A2M: variants seen among roughly 807,000 people sequenced by gnomAD.
A2M encodes the protein C3 and PZP-like alpha-2-macroglobulin domain-containing protein 5.
A neutral mutation model predicts 183.9 loss-of-function variants in A2M; 128 were observed. The observed-to-expected ratio is 0.70, with a 90% confidence interval of 0.60 to 0.81. The LOEUF (loss-of-function observed/expected upper bound fraction) is 0.81. Ranked by LOEUF, A2M falls within the 30% of genes least tolerant of loss-of-function variation. The pLI is 0.00. For synonymous variants in A2M, 592 were observed against 670.8 expected (o/e 0.88, Z 1.81); for missense variants, 1,495 against 1,787.6 (o/e 0.84, Z 2.95).
intron 22 of A2M, among the ~76,000 whole-genome samples, chr12:9,080,857 T>A (rs1398886043): frequency 6.6e-6 from 1 of 152,096 alleles, no homozygotes; most frequent in Non-Finnish European, 1.5e-5. Context: ...ATAAAATTCA[T>A]ATTAAAATGT....
rs773909427 is a variant in A2M, at chr12:9,104,254, G to A, written c.1251C>T (p.Thr417=). ...FSINTTNVMG[T]SLTVRVNYKD... The stretch of plus-strand genomic sequence containing the variant: ...CCAAACTTACCCTAACAGTAAGAGA[G>A]GTACCCATAACATTGGTGGTGTTGA... Residue 417 remains threonine (T), a synonymous_variant, in exon 11 of 36, where the codon ACC becomes ACT. Transcript: ENST00000318602. The A allele has an allele frequency of 6.2e-7, 1 of 1,612,146 alleles. No individual in the cohort carries two copies. The highest frequency in any genetic ancestry group is 1.1e-5 in the South Asian group (1 of 90,442).
chr12:9,085,061 T>C (rs996296226), intron 22 of A2M, among the ~76,000 whole-genome samples: 1 of 152,134 alleles, frequency 6.6e-6, no homozygotes, highest in Admixed American at 6.5e-5. Flanking sequence ...GGGAGAGATA[T>C]GTTGCAATGC....
intron 10 of A2M, among the ~76,000 whole-genome samples, chr12:9,105,754 T>C (rs964810335): frequency 2.6e-5 from 4 of 152,196 alleles, no homozygotes; most frequent in African/African-American, 9.7e-5. Context: ...ATAGTGTAAA[T>C]ATACTATCCA....
At chr12:9,091,671 C>T (rs113973) in intron 18 of A2M, among the ~76,000 whole-genome samples, 85,270 of 152,016 alleles carry the variant, frequency 0.56, 25,537 homozygotes, top group African/African-American at 0.76. Context: ...ATAAATTTAA[C>T]ATGCAGTTTG....
chr12:9,101,345 G>T (rs893798417), intron 12 of A2M, 102 bp downstream of exon 12: 21 of 1,338,570 alleles, frequency 1.6e-5, no homozygotes, highest in Admixed American at 6.1e-5. Context: ...AAGGAACATG[G>T]ATAAGAAGTT....
rs113336172 is a variant in A2M at position 9,091,404 on chromosome 12, C to T, written c.2266G>A (p.Val756Ile). 6 of 1,614,038 alleles carry T rather than the reference C, an allele frequency of 3.7e-6. No individual in the cohort carries two copies. In the African/African-American group the frequency reaches 4.0e-5, roughly 11 times the overall value. Residue 756 changes from valine to isoleucine, a missense_variant, in exon 19 of 36, where the codon GTA becomes ATA. Coordinates refer to ENST00000318602, the MANE Select transcript of A2M (RefSeq NM_000014.6). ...TCGGTGATGGTGTCAGGGACTGTTA[C>T]TCCTACCTCAGCCACACCTGCTGAG... is the stretch of plus-strand genomic sequence containing the variant. ...VNSAGVAEVGVTVPDTITEWK... is the reference protein window; with the variant it reads ...VNSAGVAEVGITVPDTITEWK...
chr12:9,087,805 C>A (rs770558445), intron 22 of A2M, among the ~76,000 whole-genome samples: 2 of 151,964 alleles, frequency 1.3e-5, no homozygotes, highest in African/African-American at 4.8e-5. Context: ...ACAACAACAA[C>A]CAACCAAACA....
chr12:9,071,561 T>C (rs1948580795), intron 31 of A2M, among the ~76,000 whole-genome samples: 1 of 152,120 alleles, frequency 6.6e-6, no homozygotes, highest in Non-Finnish European at 1.5e-5. Context: ...TTGCACTGAA[T>C]TGTTGTTTTT....
chr12:9,072,553 C>T (rs992018769), intron 30 of A2M, 67 bp from the exon 31 acceptor site: 2 of 1,600,402 alleles, frequency 1.2e-6, no homozygotes, highest in African/African-American at 2.7e-5. Flanking sequence ...CGTCCCTAAC[C>T]CTTTCTCTGA....
chr12:9,111,440 T>G (rs1233991615), intron 4 of A2M: 1 of 446,842 alleles, frequency 2.2e-6, no homozygotes, highest in Non-Finnish European at 4.5e-6. Flanking sequence ...CTTTGAAGGT[T>G]ATTGTAATGA....
At chr12:9,083,325 C>T (rs977643516) in intron 22 of A2M, among the ~76,000 whole-genome samples, 1 of 151,376 alleles carries the variant, frequency 6.6e-6, no homozygotes, top group South Asian at 2.1e-4. Context: ...ACCAACATGG[C>T]ACATGTATAC....
intron 17 of A2M, 45 bp from the exon 18 acceptor site, chr12:9,093,624 A>G (rs1401127232): frequency 8.7e-7 from 1 of 1,145,704 alleles, no homozygotes. Flanking sequence ...CATACAGATA[A>G]AGCTTATGAG....
Position 9,113,408 on chromosome 12 carries a change from GA to G in A2M, c.221del (p.Phe74SerfsTer27). On this transcript the variant is annotated frameshift_variant, in exon 2 of 36. Transcript: ENST00000318602. LOFTEE classifies it high-confidence loss of function. ...CGTCATTCTCCGCCTCCAGGTCAGTGAAGAGGCTCCTGTTTCCCCTGACAGA... is the reference window on the plus strand; with the variant it reads ...CGTCATTCTCCGCCTCCAGGTCAGTGAGAGGCTCCTGTTTCCCCTGACAGA... Reference protein sequence around the residue: ...LESVRGNRSLFTDLEAENDVL... With the variant: ...LESVRGNRSLXTDLEAENDVL... 6.2e-7 allele frequency: 1 copy of G among 1,613,762 alleles called. No homozygotes were observed. Among genetic ancestry groups the G allele is most frequent in the Non-Finnish European group, 8.5e-7 (1 of 1,179,926 alleles).
At chr12:9,107,748 C>G in intron 7 of A2M, 104 bp from the exon 8 acceptor site, 1 of 1,336,112 alleles carries the variant, frequency 7.5e-7, no homozygotes, top group Non-Finnish European at 1.0e-6. Flanking sequence ...CCTGTCTGTA[C>G]TTCCCTCTGC....
chr12:9,107,421 T>G (rs760877588), intron 8 of A2M, 103 bp downstream of exon 8: 1 of 1,357,254 alleles, frequency 7.4e-7, no homozygotes, highest in African/African-American at 1.5e-5. Context: ...CATGGAATTC[T>G]CTTCTAGATT....
intron 22 of A2M, among the ~76,000 whole-genome samples, chr12:9,085,345 T>C (rs1949022834): frequency 6.6e-6 from 1 of 151,872 alleles, no homozygotes; most frequent in Non-Finnish European, 1.5e-5. Context: ...AAACTAGAAA[T>C]GAGTAACAGG....
intron 30 of A2M, 76 bp from the exon 31 acceptor site, chr12:9,072,562 G>A: frequency 6.3e-7 from 1 of 1,599,000 alleles, no homozygotes; most frequent in Non-Finnish European, 8.5e-7. Context: ...CCCTTTCTCT[G>A]ATCTGTCCCA....
chr12:9,103,618 T>C (rs550330969), intron 11 of A2M, among the ~76,000 whole-genome samples: 5 of 152,218 alleles, frequency 3.3e-5, no homozygotes, highest in Non-Finnish European at 7.3e-5. Flanking sequence ...TCTGTTTCTA[T>C]GACTTTGACT....
intron 10 of A2M, among the ~76,000 whole-genome samples, chr12:9,105,001 C>G (rs751646622): frequency 1.5e-4 from 23 of 152,258 alleles, no homozygotes; most frequent in African/African-American, 5.5e-4. Context: ...GGAAGGTAGG[C>G]AGATTTTATG....
Sources: gnomAD v4.1 joint callset for allele counts (sites outside exome capture counted in the v4.1 genomes callset) on GRCh38, gnomAD v4.1.1 for gene constraint, MANE v1.5 for transcripts, NCBI Gene and HGNC (gene_info 2026-07-23, HGNC 2026-07-21) for gene names.